The following TRIM63 variants were observed in gnomAD, a reference collection of about 807,000 sequenced individuals.
TRIM63 encodes tripartite motif containing 63.
Under a neutral mutation model 46.0 loss-of-function variants are expected in TRIM63, and 48 were observed. That is an observed-to-expected ratio of 1.04 (90% CI 0.83 to 1.33). The LOEUF (loss-of-function observed/expected upper bound fraction) is 1.33. TRIM63 is among the 40% of genes most tolerant of loss of function. The probability of loss-of-function intolerance (pLI) is 0.00; values close to 1 mark genes in which losing one functional copy is unlikely to be tolerated. For synonymous variants in TRIM63, 175 were observed against 162.8 expected (o/e 1.08, Z -0.57); for missense variants, 455 against 441.2 (o/e 1.03, Z -0.28).
intron 1 of TRIM63, among the ~76,000 whole-genome samples, chr1:26,066,756 C>T (rs1265743680): frequency 1.3e-5 from 2 of 152,174 alleles, no homozygotes; most frequent in African/African-American, 4.8e-5. Context: ...TGAGAGCAAG[C>T]TCCTAAGGCT....
At chr1:26,057,120 T>G in intron 7 of TRIM63, 83 bp downstream of exon 7, 1 of 1,549,056 alleles carries the variant, frequency 6.5e-7, no homozygotes. Flanking sequence ...TGTATCTGCC[T>G]CCCCATCGGG....
intron 7 of TRIM63, among the ~76,000 whole-genome samples, chr1:26,056,757 A>ATTTT (rs539855797): frequency 7.2e-6 from 1 of 139,024 alleles, no homozygotes; most frequent in African/African-American, 2.7e-5. Flanking sequence ...GACTATATGA[A>ATTTT]TTTTTTTTTT....
Position 26,051,782 on chromosome 1 carries a change from TC to T in TRIM63, c.*90del. 4.4e-6 allele frequency: 1 copy of T among 227,204 alleles called. No individual in the cohort carries two copies. Among genetic ancestry groups the T allele is most frequent in the African/African-American group, 2.4e-5 (1 of 41,860 alleles). The allele number at this position is 227,204 out of a possible 1,614,324, so 14.1% of individuals were successfully genotyped here. A position where few individuals can be genotyped will look rare whatever the true frequency, so the allele number is the denominator to read the frequency against. ...TTGCCCCTCCAGGGGCCCCGACCCC[TC>T]CCACCCTGGGCCTGTCACCAAGGCC... On this transcript the variant is annotated 3_prime_UTR_variant, in exon 9 of 9. Coordinates refer to ENST00000374272, the MANE Select transcript of TRIM63 (RefSeq NM_032588.4).
At chr1:26,052,835 G>A (rs1284627334) in intron 8 of TRIM63, among the ~76,000 whole-genome samples, 2 of 152,168 alleles carry the variant, frequency 1.3e-5, no homozygotes, top group African/African-American at 2.4e-5. Context: ...TTCAAGTCCA[G>A]CATTGTTTGC....
At chr1:26,058,244 C>T (rs2050590076) in intron 5 of TRIM63, 146 bp downstream of exon 5, 1 of 674,372 alleles carries the variant, frequency 1.5e-6, no homozygotes, top group Non-Finnish European at 2.6e-6. Context: ...TGTTACATGC[C>T]CATTTGACAG....
intron 8 of TRIM63, among the ~76,000 whole-genome samples, chr1:26,052,533 C>G (rs539478697): frequency 6.6e-6 from 1 of 152,090 alleles, no homozygotes; most frequent in Non-Finnish European, 1.5e-5. Context: ...GGCGTGATCT[C>G]GGCTCACTGC....
intron 4 of TRIM63, 114 bp from the exon 5 acceptor site, chr1:26,058,737 A>T: frequency 1.3e-6 from 1 of 767,818 alleles, no homozygotes; most frequent in Non-Finnish European, 2.2e-6. Context: ...CTCACTACAT[A>T]CATCCCCACA....
intron 2 of TRIM63, among the ~76,000 whole-genome samples, chr1:26,063,539 GA>G (rs1300577998): frequency 7.2e-5 from 11 of 152,216 alleles, no homozygotes; most frequent in Admixed American, 7.2e-4. Flanking sequence ...CTGATAAAGG[GA>G]TGGCAGGGAG....
At chr1:26,055,477 A>G (rs1193873346) in intron 7 of TRIM63, among the ~76,000 whole-genome samples, 1 of 151,064 alleles carries the variant, frequency 6.6e-6, no homozygotes, top group East Asian at 1.9e-4. Context: ...TTATGTTCAC[A>G]CCGTATGACC....
At chr1:26,052,763 G>A (rs2050534083) in intron 8 of TRIM63, among the ~76,000 whole-genome samples, 1 of 152,096 alleles carries the variant, frequency 6.6e-6, no homozygotes, top group East Asian at 1.9e-4. Flanking sequence ...CACCATGCCA[G>A]CGTGTCCCCT....
intron 7 of TRIM63, among the ~76,000 whole-genome samples, chr1:26,056,157 C>T (rs2124436861): frequency 6.6e-6 from 1 of 152,328 alleles, no homozygotes; most frequent in African/African-American, 2.4e-5. Context: ...CCCTCTCTTT[C>T]TCTGTTGCCT....
chr1:26,062,265 C>T (rs1487528575), intron 2 of TRIM63, among the ~76,000 whole-genome samples: 6 of 131,250 alleles, frequency 4.6e-5, no homozygotes, highest in South Asian at 2.3e-4. Context: ...AGCAAAACTC[C>T]GTCTCAAAAA....
chr1:26,059,774 A>C (rs1331609110), intron 4 of TRIM63, among the ~76,000 whole-genome samples: 2 of 152,170 alleles, frequency 1.3e-5, no homozygotes, highest in African/African-American at 4.8e-5. Context: ...CTCACTACTC[A>C]ACATGTGGTC....
rs1434270940 is a variant in TRIM63, at chr1:26,058,498, G to A, written c.723C>T (p.Phe241=). The change falls in exon 5 of 9, where the codon TTC becomes TTT. Residue 241 remains phenylalanine (F), a synonymous_variant. Transcript: ENST00000374272. ...ITQEQEKKLS[F]IEALIQQYQE... ...GGTACTGCTGGATGAGGGCCTCGAT[G>A]AAGCTAAGCTTTTTCTCCTGCTCCT... The A allele has an allele frequency of 6.2e-7, 1 of 1,614,206 alleles. No homozygotes were observed. Among genetic ancestry groups the A allele is most frequent in the South Asian group, 1.1e-5 (1 of 91,084 alleles).
chr1:26,057,579 C>A, intron 6 of TRIM63, 49 bp downstream of exon 6: 2 of 1,591,494 alleles, frequency 1.3e-6, no homozygotes, highest in Non-Finnish European at 8.6e-7. Context: ...GGACAGAGGT[C>A]CTGGTGGGAA....
intron 7 of TRIM63, among the ~76,000 whole-genome samples, chr1:26,054,330 A>ACCT (rs1255940575): frequency 6.6e-6 from 1 of 151,400 alleles, no homozygotes; most frequent in Non-Finnish European, 1.5e-5. Context: ...AGGAGGAAAA[A>ACCT]CCTCCTCGAT....
intron 7 of TRIM63, 129 bp downstream of exon 7, chr1:26,057,074 A>T: frequency 8.1e-7 from 1 of 1,236,640 alleles, no homozygotes; most frequent in Non-Finnish European, 1.1e-6. Flanking sequence ...GAAGTTGGCT[A>T]TATGAGTTTG....
chr1:26,067,565 TC>T lies in TRIM63; in HGVS notation c.-72del. The T allele has an allele frequency of 6.5e-7, 1 of 1,549,508 alleles. No homozygotes were observed. The highest frequency in any genetic ancestry group is 8.7e-7 in the Non-Finnish European group (1 of 1,145,564). Reference sequence around the variant, plus strand: ...ACTTTGCTCTAAGTAGACCTGGGGGTCTTGCCTTTGTCACAAAACACCGGGT... The same window carrying T: ...ACTTTGCTCTAAGTAGACCTGGGGGTTTGCCTTTGTCACAAAACACCGGGT... On this transcript the variant is annotated 5_prime_UTR_variant, in exon 1 of 9. Transcript: ENST00000374272.
intron 2 of TRIM63, among the ~76,000 whole-genome samples, chr1:26,064,674 C>A (rs1003716459): frequency 2.0e-5 from 3 of 152,314 alleles, no homozygotes; most frequent in South Asian, 4.1e-4. Flanking sequence ...ATACATTAAC[C>A]ATTTTCCATT....
Sources: gnomAD v4.1 joint callset for allele counts (sites outside exome capture counted in the v4.1 genomes callset) on GRCh38, gnomAD v4.1.1 for gene constraint, MANE v1.5 for transcripts, NCBI Gene and HGNC (gene_info 2026-07-23, HGNC 2026-07-21) for gene names.